ACER1: variants seen among roughly 807,000 people sequenced by gnomAD.
ACER1 encodes CTB-180A7.3.
ACER1 carries 28 observed loss-of-function variants against 24.9 expected under a neutral mutation model. The observed-to-expected ratio is 1.13, with a 90% CI of 0.83 to 1.54. The LOEUF (loss-of-function observed/expected upper bound fraction) is 1.54. ACER1 is among the 40% of genes most tolerant of loss of function. The pLI, the probability that ACER1 is intolerant of heterozygous loss-of-function variation, is 0.00. For missense variants in ACER1, 352 were observed against 349.3 expected (o/e 1.01, Z -0.06); for synonymous variants, 132 against 131.4 (o/e 1.00, Z -0.03).
intron 4 of ACER1, among the ~76,000 whole-genome samples, chr19:6,308,620 C>T (rs1331617824): frequency 1.3e-5 from 2 of 151,964 alleles, no homozygotes; most frequent in Admixed American, 1.3e-4. Flanking sequence ...ACCAACAAGC[C>T]CTTTGGTGCT....
the ACER1 span, among the ~76,000 whole-genome samples, chr19:6,348,503 C>G: frequency 4.8e-3 from 732 of 151,048 alleles, 2 homozygotes; most frequent in Non-Finnish European, 7.7e-3. Flanking sequence ...AAGACTGAGC[C>G]CTGGGGCTCT....
At chr19:6,357,788 TG>T in the ACER1 span, among the ~76,000 whole-genome samples, 1 of 151,824 alleles carries the variant, frequency 6.6e-6, no homozygotes, top group Non-Finnish European at 1.5e-5. Context: ...TTAGCTTTTT[TG>T]GGGATCTCTT....
chr19:6,310,789 G>A (rs955494584), intron 3 of ACER1, among the ~76,000 whole-genome samples: 17 of 150,678 alleles, frequency 1.1e-4, no homozygotes, highest in Admixed American at 1.1e-3. Context: ...CTGAGGCAGG[G>A]ATCGCTTGAG....
At position 6,306,825 on chromosome 19, in the gene ACER1, A is replaced by G; in HGVS notation, c.684T>C (p.Asp228=). 1 of 1,614,188 alleles carries G rather than the reference A, an allele frequency of 6.2e-7. No individual in the cohort carries two copies. Among genetic ancestry groups the G allele is most frequent in the Non-Finnish European group, 8.5e-7 (1 of 1,180,014 alleles). ...PYGMVTMALV[D]ANYEMPGETL... ...TTTCACCTGGCATCTCATAGTTGGC[A>G]TCCACCAAGGCCATGGTGACCATGC... is the stretch of plus-strand genomic sequence containing the variant. Residue 228 remains aspartate, a synonymous_variant, in exon 6 of 6, where the codon GAT becomes GAC. Transcript: ENST00000301452.
At chr19:6,338,359 T>C (rs10425427), upstream of ACER1, among the ~76,000 whole-genome samples, 7,570 of 152,274 alleles carry the variant, frequency 0.05, 285 homozygotes, top group African/African-American at 0.11. Context: ...TATTATTGCA[T>C]AGATTTGCTC....
At chr19:6,312,822 C>T (rs1481729991) in intron 1 of ACER1, among the ~76,000 whole-genome samples, 2 of 151,888 alleles carry the variant, frequency 1.3e-5, no homozygotes, top group Non-Finnish European at 2.9e-5. Flanking sequence ...ATTAAAGGCA[C>T]GTGCCACCAC....
At chr19:6,315,135 G>A (rs892234118) in intron 1 of ACER1, among the ~76,000 whole-genome samples, 16 of 151,614 alleles carry the variant, frequency 1.1e-4, no homozygotes, top group Admixed American at 4.6e-4. Context: ...CGCCCGCCTC[G>A]GCCTCCCAAA....
chr19:6,321,371 C>T (rs1226688417), intron 1 of ACER1, among the ~76,000 whole-genome samples: 5 of 152,128 alleles, frequency 3.3e-5, no homozygotes, highest in Admixed American at 2.6e-4. Flanking sequence ...GAACTCCTGG[C>T]CTCAACTGAT....
chr19:6,335,906 C>CTTTTTTTTTTTTTT (rs750891225), upstream of ACER1, among the ~76,000 whole-genome samples: 1 of 141,556 alleles, frequency 7.1e-6, no homozygotes, highest in African/African-American at 2.6e-5. Flanking sequence ...TTTTTCTTTT[C>CTTTTTTTTTTTTTT]TTTTTTTTTT....
chr19:6,307,675 C>T (rs949606423), intron 4 of ACER1, among the ~76,000 whole-genome samples: 6 of 151,894 alleles, frequency 4.0e-5, no homozygotes, highest in East Asian at 1.9e-4. Context: ...CCTGCAGTTC[C>T]GGTTACTCGG....
At chr19:6,326,289 G>A (rs371156605) in intron 1 of ACER1, among the ~76,000 whole-genome samples, 14 of 152,022 alleles carry the variant, frequency 9.2e-5, no homozygotes, top group African/African-American at 2.7e-4. Flanking sequence ...CACAATGCCC[G>A]GCTAATTTTT....
chr19:6,333,046 G>A (rs549809102), intron 1 of ACER1, among the ~76,000 whole-genome samples: 2 of 152,066 alleles, frequency 1.3e-5, no homozygotes, highest in Non-Finnish European at 2.9e-5. Context: ...GGGTACAGCT[G>A]CAAACAAGAC....
intron 3 of ACER1, among the ~76,000 whole-genome samples, chr19:6,311,806 A>G (rs1336596455): frequency 6.6e-6 from 1 of 151,290 alleles, no homozygotes; most frequent in East Asian, 2.0e-4. Flanking sequence ...GATGCCAGGA[A>G]CGCCAGGTGA....
At chr19:6,318,470 C>A (rs1419784686) in intron 1 of ACER1, among the ~76,000 whole-genome samples, 1 of 148,642 alleles carries the variant, frequency 6.7e-6, no homozygotes, top group Non-Finnish European at 1.5e-5. Flanking sequence ...CTCTGTCCCC[C>A]CAAAATAAAT....
intron 3 of ACER1, among the ~76,000 whole-genome samples, 153 bp from the exon 4 acceptor site, chr19:6,309,987 C>T (rs2091569899): frequency 6.6e-6 from 1 of 151,896 alleles, no homozygotes; most frequent in South Asian, 2.1e-4. Flanking sequence ...CCAGGCAGGG[C>T]ACGGTGGCTC....
At chr19:6,309,558 C>T in intron 4 of ACER1, 139 bp downstream of exon 4, 20 of 1,082,910 alleles carry the variant, frequency 1.8e-5, no homozygotes, top group Non-Finnish European at 2.4e-5. Flanking sequence ...ACTCTGCAGT[C>T]AGTCAGGTTC....
At position 6,321,826 on chromosome 19, in the gene ACER1, G is replaced by T. The variant is rs754299196; in HGVS notation, c.94-9327C>A. Among the ~76,000 whole-genome samples, 6 of 151,880 alleles carry T rather than the reference G, an allele frequency of 4.0e-5. No homozygotes were observed. In the South Asian group the frequency reaches 6.2e-4, roughly 16 times the overall value. Reference sequence around the variant, plus strand: ...GGGGTTTCACCATGTTGGCCAGGCTGGTCTCGAACTCCTGACCTCAGGTCA... The same window carrying T: ...GGGGTTTCACCATGTTGGCCAGGCTTGTCTCGAACTCCTGACCTCAGGTCA... On this transcript the variant is annotated intron_variant, in intron 1 of 5. Coordinates refer to ENST00000301452, the MANE Select transcript of ACER1 (RefSeq NM_133492.3).
chr19:6,311,548 G>A (rs2091580347), intron 3 of ACER1, among the ~76,000 whole-genome samples: 1 of 151,072 alleles, frequency 6.6e-6, no homozygotes, highest in Non-Finnish European at 1.5e-5. Flanking sequence ...TCTCAAAAAG[G>A]AAGAAGAAGG....
intron 3 of ACER1, 125 bp downstream of exon 3, chr19:6,312,024 G>A: frequency 7.6e-7 from 1 of 1,310,256 alleles, no homozygotes. Flanking sequence ...GAAGTGGTCA[G>A]GGGAGGAATT....
Sources: gnomAD v4.1 joint callset for allele counts (sites outside exome capture counted in the v4.1 genomes callset) on GRCh38, gnomAD v4.1.1 for gene constraint, MANE v1.5 for transcripts, NCBI Gene and HGNC (gene_info 2026-07-23, HGNC 2026-07-21) for gene names.